ADGRL1: variants seen among roughly 807,000 people sequenced by gnomAD.
ADGRL1 encodes the protein CIRL-1.
In ADGRL1, 31 loss-of-function variants were observed where a neutral mutation model predicts 148.9. The ratio of observed to expected loss-of-function variants is 0.21; its 90% CI spans 0.16 to 0.28. The LOEUF is 0.28. Ranked by LOEUF, ADGRL1 falls within the 10% of genes least tolerant of loss-of-function variation. The pLI is 1.00. For missense variants in ADGRL1, 1,521 were observed against 2,058.8 expected, an observed-to-expected ratio of 0.74 and a Z score of 5.05; for synonymous variants, 937 against 900.3, an observed-to-expected ratio of 1.04 and a Z score of -0.73.
chr19:14,191,221 T>A (rs576601454), intron 1 of ADGRL1: 1 of 456,732 alleles, frequency 2.2e-6, no homozygotes, highest in Non-Finnish European at 4.4e-6. Flanking sequence ...TGTCCCCATC[T>A]GTGTCCCTCA....
At chr19:14,175,681 T>C (rs1251903498) in intron 3 of ADGRL1, among the ~76,000 whole-genome samples, 1 of 151,914 alleles carries the variant, frequency 6.6e-6, no homozygotes, top group African/African-American at 2.4e-5. Flanking sequence ...CACATACACT[T>C]AGACACACAG....
At chr19:14,167,722 G>A (rs1215414491) in intron 4 of ADGRL1, among the ~76,000 whole-genome samples, 1 of 152,004 alleles carries the variant, frequency 6.6e-6, no homozygotes, top group Non-Finnish European at 1.5e-5. Context: ...AGTTGCACCC[G>A]GGCCCCAGAG....
intron 16 of ADGRL1, 40 bp downstream of exon 16, chr19:14,156,618 A>G: frequency 6.4e-7 from 1 of 1,564,162 alleles, no homozygotes. Flanking sequence ...AGCCTGGATG[A>G]AGGAAGATGT....
In ADGRL1 at chr19:14,158,657, G is replaced by A. The variant is rs866750758; in HGVS notation, c.2150-105C>T. 12 of 890,412 alleles carry A rather than the reference G, an allele frequency of 1.3e-5. No individual in the cohort carries two copies. In the Middle Eastern group the frequency reaches 1.2e-3, roughly 86 times the overall value. 55.2% of individuals were successfully genotyped at this position (890,412 alleles called of 1,614,324 possible). On this transcript the variant is annotated intron_variant, in intron 11 of 22. Coordinates refer to ENST00000361434, the MANE Select transcript of ADGRL1 (RefSeq NM_014921.5). ...AGCCAGCTCCTCAGCCCTTGGCCAC[G>A]CTGGCCACTGGGACCTCTGAAGCCA...
rs764997594 is a variant in ADGRL1, at chr19:14,161,595, G to A, written c.1227C>T (p.Thr409=). 7 of 1,436,026 alleles carry A rather than the reference G, an allele frequency of 4.9e-6. No individual in the cohort carries two copies. The highest frequency in any genetic ancestry group is 5.5e-6 in the Non-Finnish European group (6 of 1,099,640). The allele number at this position is 1,436,026 out of a possible 1,614,324, so 89.0% of individuals were successfully genotyped here. A position where few individuals can be genotyped will look rare whatever the true frequency, so the allele number is the denominator to read the frequency against. The stretch of plus-strand genomic sequence containing the variant: ...TGAGGGGCGTGGGCCTGGCTGTGGT[G>A]GTCGTGCTGAGGGGTGGGGAAGTGG... ...GPATSPPLST[T]TTARPTPLTS... is the part of the protein sequence containing the mutation. Residue 409 remains threonine (T), a synonymous_variant, in exon 6 of 23, where the codon ACC becomes ACT. Coordinates refer to ENST00000361434, the MANE Select transcript of ADGRL1 (RefSeq NM_014921.5). The surrounding 1 kb of genome is among the most constrained non-coding windows in gnomAD (Gnocchi z 4.4).
In ADGRL1 at chr19:14,159,322, C is replaced by A. The variant is rs1969099436; in HGVS notation, c.2023+79G>T. On this transcript the variant is annotated intron_variant, in intron 10 of 22. Transcript: ENST00000361434. The surrounding 1 kb of genome is among the most constrained non-coding windows in gnomAD (Gnocchi z 6.0). Reference sequence around the variant, plus strand: ...GGCAAGATGCCCAAGGGTCGGATAGCCCCCCTGTGGCCTCCAGGCCAGAAC... The same window carrying A: ...GGCAAGATGCCCAAGGGTCGGATAGACCCCCTGTGGCCTCCAGGCCAGAAC... The A allele has an allele frequency of 1.9e-6, 3 of 1,571,192 alleles. No homozygotes were observed. The highest frequency in any genetic ancestry group is 1.2e-5 in the South Asian group (1 of 84,554).
At position 14,155,310 on chromosome 19, in the gene ADGRL1, G is replaced by A; in HGVS notation, c.3294+49C>T. 2.5e-6 allele frequency: 4 copies of A among 1,599,038 alleles called. No homozygotes were observed. Among genetic ancestry groups the A allele is most frequent in the Non-Finnish European group, 3.4e-6 (4 of 1,170,450 alleles). ...TCGCCGCCTTCTCCTGGGTACCCAG[G>A]AAACGTCTCCAAGGGAGGCTGTGAC... is the stretch of plus-strand genomic sequence containing the variant. On this transcript the variant is annotated intron_variant, in intron 18 of 22. Transcript: ENST00000361434. This position sits in a 1 kb window ranked among gnomAD's most constrained non-coding sequence, Gnocchi z 5.0.
intron 1 of ADGRL1, among the ~76,000 whole-genome samples, chr19:14,184,291 G>A (rs1025970609): frequency 3.9e-5 from 6 of 152,082 alleles, no homozygotes; most frequent in Admixed American, 1.3e-4. Flanking sequence ...ACAGGCAGGC[G>A]GGGTGGGAGG....
rs1968160596 is a variant in ADGRL1 at position 14,151,311 on chromosome 19, G to A, written c.3972C>T (p.Asp1324=). 6.2e-7 allele frequency: 1 copy of A among 1,601,750 alleles called. No individual in the cohort carries two copies. Among genetic ancestry groups the A allele is most frequent in the East Asian group, 2.3e-5 (1 of 44,064 alleles). ...TATAGAGAAGTTCAATCTCGGCCCG[G>A]TCAGCACCCCCGGGCCCGCCCGCCT... ...EEEAGGPGGA[D]RAEIELLYKA... is the part of the protein sequence containing the mutation. The change falls in exon 23 of 23, where the codon GAC becomes GAT. Residue 1324 remains aspartate, a synonymous_variant. Coordinates refer to ENST00000361434, the MANE Select transcript of ADGRL1 (RefSeq NM_014921.5).
At position 14,148,323 on chromosome 19, in the gene ADGRL1, G is replaced by C. The variant is rs1052182003; in HGVS notation, c.*2550C>G. ...TGGAAGCCACCCGGCGATGCCGGCT[G>C]GAACAGGACCCGATACACCCTCTCT... On this transcript the variant is annotated 3_prime_UTR_variant, in exon 23 of 23. Transcript: ENST00000361434. 2.6e-5 allele frequency: 4 copies of C among 152,486 alleles called. No homozygotes were observed. Among genetic ancestry groups the C allele is most frequent in the African/African-American group, 9.7e-5 (4 of 41,444 alleles). The allele number at this position is 152,486 out of a possible 1,614,324, so 9.4% of individuals were successfully genotyped here.
rs1441920533 is a variant in ADGRL1, at chr19:14,159,130, G to C, written c.2109C>G (p.Ile703Met). ...GCTTGATGGTTTTGGCAGACAGCTG[G>C]ATGGAGTTCTTTCTCGGGTACTCCT... ...PQEEYPRKNSIQLSAKTIKQN... is the reference protein window; with the variant it reads ...PQEEYPRKNSMQLSAKTIKQN... Residue 703 changes from isoleucine to methionine, a missense_variant, in exon 11 of 23, where the codon ATC becomes ATG. By Grantham distance (10) the Ile-to-Met change is conservative. This residue lies in a region of ADGRL1 where 265 missense variants were observed against 431.9 expected (regional missense o/e 0.61). Transcript: ENST00000361434. The surrounding 1 kb of genome is among the most constrained non-coding windows in gnomAD (Gnocchi z 6.0). 4 of 1,614,138 alleles carry C rather than the reference G, an allele frequency of 2.5e-6. No individual in the cohort carries two copies. In the South Asian group the frequency reaches 4.4e-5, roughly 18 times the overall value.
At chr19:14,180,580 C>T (rs1971123502) in intron 2 of ADGRL1, among the ~76,000 whole-genome samples, 2 of 151,872 alleles carry the variant, frequency 1.3e-5, no homozygotes, top group African/African-American at 2.4e-5. Flanking sequence ...GACAGGGTCT[C>T]ACCCTGTCAC....
In ADGRL1 at chr19:14,203,785, C is replaced by G. The variant is rs539319457; in HGVS notation, c.-96+2200G>C. Among the ~76,000 whole-genome samples the G allele has an allele frequency of 3.1e-3, 472 of 152,048 alleles. 2 individuals carry two copies. The highest frequency in any genetic ancestry group is 5.0e-3 in the Non-Finnish European group (343 of 67,984). On this transcript the variant is annotated intron_variant, in intron 1 of 22. Transcript: ENST00000361434. ...CCAAGCCTGGGCGCCAGCTACACCC[C>G]CAAGAGCAGGAATCAGCGTGGGTGA...
chr19:14,170,505 G>A, intron 4 of ADGRL1, 177 bp downstream of exon 4: 1 of 551,080 alleles, frequency 1.8e-6, no homozygotes, highest in Non-Finnish European at 3.3e-6. Flanking sequence ...AGCAGGCACT[G>A]AGTGTGGACA....
At chr19:14,153,419 T>TC (rs1186429976) in intron 18 of ADGRL1, among the ~76,000 whole-genome samples, 2 of 146,734 alleles carry the variant, frequency 1.4e-5, no homozygotes, top group East Asian at 4.0e-4. Context: ...TGATTTTTTT[T>TC]TTTTTTTTTT....
Position 14,151,492 on chromosome 19 carries a change from G to T in ADGRL1, c.3791C>A (p.Pro1264His). Residue 1264 changes from proline (P) to histidine (H), a missense_variant, in exon 23 of 23, where the codon CCC becomes CAC. Transcript: ENST00000361434. The stretch of plus-strand genomic sequence containing the variant: ...CGCATCGGCTAGGTTCCGGCCTCGG[G>T]GCGGCTCAGGGCCCCCATCCCCGGG... ...FPPGDGGPEPPRGRNLADAAA... is the reference protein window; with the variant it reads ...FPPGDGGPEPHRGRNLADAAA... The T allele has an allele frequency of 6.2e-7, 1 of 1,611,292 alleles. No homozygotes were observed. Among genetic ancestry groups the T allele is most frequent in the Non-Finnish European group, 8.5e-7 (1 of 1,179,068 alleles).
intron 4 of ADGRL1, among the ~76,000 whole-genome samples, chr19:14,165,302 C>T (rs1010880717): frequency 6.6e-5 from 10 of 152,190 alleles, no homozygotes; most frequent in South Asian, 6.2e-4. Flanking sequence ...CCTGAGGGGT[C>T]GGCCTGCCCA....
chr19:14,173,687 C>T (rs906711190), intron 3 of ADGRL1, among the ~76,000 whole-genome samples: 1 of 152,154 alleles, frequency 6.6e-6, no homozygotes, highest in Non-Finnish European at 1.5e-5. Flanking sequence ...TGGCTCATGG[C>T]TATAATCCCA....
At chr19:14,181,135 T>C (rs1404265502) in intron 2 of ADGRL1, among the ~76,000 whole-genome samples, 3 of 152,196 alleles carry the variant, frequency 2.0e-5, no homozygotes, top group African/African-American at 7.2e-5. Context: ...CATACCTGAG[T>C]GTTCTCTGGG....
Sources: allele counts gnomAD v4.1 joint callset (sites outside exome capture counted in the v4.1 genomes callset), GRCh38; gene constraint gnomAD v4.1.1; regional missense constraint gnomAD v4.1.1; non-coding constraint Gnocchi (gnomAD v3.1); transcripts MANE v1.5; gene names NCBI Gene and HGNC (gene_info 2026-07-23, HGNC 2026-07-21).